The following TBC1D5 variants were observed in gnomAD, a reference collection of about 807,000 sequenced individuals.
The protein encoded by TBC1D5 is TBC1 domain family member 5.
In TBC1D5, 75 loss-of-function variants were observed where a neutral mutation model predicts 100.3. That is an observed-to-expected ratio of 0.75 (90% CI 0.62 to 0.91). The LOEUF (loss-of-function observed/expected upper bound fraction) is 0.91. TBC1D5 is among the 40% of genes least tolerant of loss of function. The pLI, the probability that TBC1D5 is intolerant of heterozygous loss-of-function variation, is 0.00. For missense variants in TBC1D5, 910 were observed against 942.4 expected, an observed-to-expected ratio of 0.97 and a Z score of 0.45; for synonymous variants, 323 against 325.6, an observed-to-expected ratio of 0.99 and a Z score of 0.09.
intron 13 of TBC1D5, among the ~76,000 whole-genome samples, chr3:17,360,387 G>A (rs2091590671): frequency 6.6e-6 from 1 of 151,970 alleles, no homozygotes; most frequent in Non-Finnish European, 1.5e-5. Context: ...TCTGGTTAGT[G>A]ACTTTAAGAC....
intron 2 of TBC1D5, among the ~76,000 whole-genome samples, chr3:17,548,940 G>C (rs2096446582): frequency 6.6e-6 from 1 of 152,156 alleles, no homozygotes; most frequent in Non-Finnish European, 1.5e-5. Context: ...AATTATTTTA[G>C]ACAGTAATAA....
intron 1 of TBC1D5, chr3:17,672,655 G>A (rs2068075803): frequency 6.6e-6 from 1 of 152,308 alleles, no homozygotes; most frequent in Non-Finnish European, 1.5e-5. Flanking sequence ...AGAAAAGCAT[G>A]ACAGTGTTGT....
intron 18 of TBC1D5, among the ~76,000 whole-genome samples, chr3:17,187,945 G>C (rs892212520): frequency 6.6e-6 from 1 of 152,196 alleles, no homozygotes; most frequent in Non-Finnish European, 1.5e-5. Flanking sequence ...TACAAAAGCC[G>C]TTGGGAGCTT....
chr3:17,692,332 T>C (rs530382316), intron 1 of TBC1D5, among the ~76,000 whole-genome samples: 5 of 152,096 alleles, frequency 3.3e-5, no homozygotes, highest in African/African-American at 4.8e-5. Flanking sequence ...TCTCAGGTGA[T>C]CCACCCGCCT....
intron 3 of TBC1D5, among the ~76,000 whole-genome samples, chr3:17,457,052 A>C (rs2095103603): frequency 6.6e-6 from 1 of 151,966 alleles, no homozygotes; most frequent in Non-Finnish European, 1.5e-5. Context: ...AATCTTTTGC[A>C]TTTGTTTTCT....
At chr3:17,608,062 G>C (rs2061444786) in intron 2 of TBC1D5, among the ~76,000 whole-genome samples, 1 of 152,116 alleles carries the variant, frequency 6.6e-6, no homozygotes. Flanking sequence ...TTCAAAACCA[G>C]CCTGGCCAAC....
chr3:17,732,037 G>T (rs2076603480), intron 1 of TBC1D5, among the ~76,000 whole-genome samples: 1 of 152,146 alleles, frequency 6.6e-6, no homozygotes, highest in South Asian at 2.1e-4. Context: ...GACTCTTCGG[G>T]CCAGGCCTAG....
At chr3:17,216,159 T>C (rs186543619) in intron 17 of TBC1D5, among the ~76,000 whole-genome samples, 2 of 152,164 alleles carry the variant, frequency 1.3e-5, no homozygotes, top group Admixed American at 6.5e-5. Flanking sequence ...ACATCCCTCT[T>C]TAAGGAAATA....
At chr3:17,304,620 G>C (rs2083210856) in intron 14 of TBC1D5, among the ~76,000 whole-genome samples, 1 of 152,088 alleles carries the variant, frequency 6.6e-6, no homozygotes, top group Non-Finnish European at 1.5e-5. Flanking sequence ...GTCTCAGACT[G>C]GTCTCAAACT....
intron 2 of TBC1D5, among the ~76,000 whole-genome samples, chr3:17,620,900 T>C (rs1438700215): frequency 1.3e-5 from 2 of 152,190 alleles, no homozygotes; most frequent in East Asian, 3.8e-4. Context: ...TAAGTAATTA[T>C]GAGAACAGTA....
chr3:17,537,705 T>C (rs371505502), intron 2 of TBC1D5, among the ~76,000 whole-genome samples: 43 of 152,370 alleles, frequency 2.8e-4, no homozygotes, highest in African/African-American at 9.4e-4. Flanking sequence ...CATAATGTTA[T>C]CAAGGTTCAC....
intron 1 of TBC1D5, among the ~76,000 whole-genome samples, chr3:17,687,176 TAAA>T (rs1350552635): frequency 6.6e-6 from 1 of 152,168 alleles, no homozygotes; most frequent in East Asian, 1.9e-4. Flanking sequence ...CTTATATGAC[TAAA>T]GTTATGATTA....
intron 18 of TBC1D5, among the ~76,000 whole-genome samples, chr3:17,213,342 G>A (rs1169606106): frequency 6.6e-6 from 1 of 152,200 alleles, no homozygotes; most frequent in African/African-American, 2.4e-5. Context: ...ATGTATCATT[G>A]TTGTTAAGCT....
At chr3:17,359,831 G>A (rs979045240) in intron 13 of TBC1D5, among the ~76,000 whole-genome samples, 8 of 151,906 alleles carry the variant, frequency 5.3e-5, no homozygotes, top group East Asian at 1.9e-4. Flanking sequence ...TTTGCCTCTA[G>A]GTTACTTGGT....
intron 1 of TBC1D5, chr3:17,643,908 C>T (rs958188472): frequency 1.3e-5 from 2 of 152,068 alleles, no homozygotes; most frequent in African/African-American, 4.8e-5. Context: ...GTAGCTAATA[C>T]CACAGCACAT....
At chr3:17,584,808 C>G (rs1459636281) in intron 2 of TBC1D5, among the ~76,000 whole-genome samples, 2 of 152,208 alleles carry the variant, frequency 1.3e-5, no homozygotes, top group Non-Finnish European at 2.9e-5. Context: ...AGGTGCCTGA[C>G]ATGACGCCCA....
intron 18 of TBC1D5, among the ~76,000 whole-genome samples, chr3:17,210,901 C>T (rs2125949213): frequency 6.6e-6 from 1 of 151,924 alleles, no homozygotes; most frequent in African/African-American, 2.4e-5. Context: ...GGGAGATTTC[C>T]TCCACTTTCT....
In TBC1D5 at chr3:17,716,839, A is replaced by C. The variant is rs1008311255; in HGVS notation, c.-101+22504T>G. Among the ~76,000 whole-genome samples, 11 of 152,124 alleles carry C rather than the reference A, an allele frequency of 7.2e-5. No homozygotes were observed. In the East Asian group the frequency reaches 1.7e-3, roughly 24 times the overall value. ...TACCATTTGTTTTTATTTTATACATAAACAAGGTTTATTAATCTGAGTGTT... is the reference window on the plus strand; with the variant it reads ...TACCATTTGTTTTTATTTTATACATCAACAAGGTTTATTAATCTGAGTGTT... On this transcript the variant is annotated intron_variant, in intron 1 of 21. Transcript: ENST00000253692.
intron 9 of TBC1D5, among the ~76,000 whole-genome samples, chr3:17,380,039 C>CTCTGTG (rs1445285267): frequency 2.0e-5 from 2 of 100,020 alleles, no homozygotes; most frequent in African/African-American, 6.5e-5. Flanking sequence ...ACAGCTGTGA[C>CTCTGTG]TGTGTATGTG....
Sources: allele counts gnomAD v4.1 joint callset (sites outside exome capture counted in the v4.1 genomes callset), GRCh38; gene constraint gnomAD v4.1.1; transcripts MANE v1.5; gene names NCBI Gene and HGNC (gene_info 2026-07-23, HGNC 2026-07-21).